NIBAN1: variants seen among roughly 807,000 people sequenced by gnomAD.
NIBAN1 encodes niban apoptosis regulator 1, also known as protein Niban 1.
Under a neutral mutation model 75.1 loss-of-function variants are expected in NIBAN1, and 81 were observed. The observed-to-expected ratio is 1.08, with a 90% confidence interval of 0.90 to 1.30. NIBAN1 has a LOEUF of 1.30. NIBAN1 is among the 50% of genes most tolerant of loss of function. The pLI is 0.00. For missense variants in NIBAN1, 1,133 were observed against 1,128.1 expected (o/e 1.00, Z -0.06); for synonymous variants, 436 against 424.8 (o/e 1.03, Z -0.32).
intron 1 of NIBAN1, among the ~76,000 whole-genome samples, chr1:184,937,040 G>A (rs115275040): frequency 5.3e-4 from 80 of 151,482 alleles, no homozygotes; most frequent in Admixed American, 9.9e-4. Flanking sequence ...TTATACGGGC[G>A]CATTTCTTTA....
At chr1:184,961,817 C>T (rs920733956) in intron 1 of NIBAN1, among the ~76,000 whole-genome samples, 1 of 152,230 alleles carries the variant, frequency 6.6e-6, no homozygotes, top group Admixed American at 6.5e-5. Context: ...CTTCTTTGCT[C>T]TTATAAGGAG....
Position 184,899,241 on chromosome 1 carries a change from T to C in NIBAN1, c.124A>G (p.Asn42Asp). ...YSRQYSVAFC[N>D]HVRTEVEQQR... is the part of the protein sequence containing the mutation. ...TGTTCTACTTCAGTGCGCACGTGAT[T>C]GCAGAAAGCCACAGAGTACTGACGA... The change falls in exon 2 of 14, where the codon AAT (asparagine) becomes GAT (aspartate). Residue 42 changes from asparagine to aspartate, a missense_variant. By Grantham distance (23) the Asn-to-Asp change is conservative. Coordinates refer to ENST00000367511, the MANE Select transcript of NIBAN1 (RefSeq NM_052966.4). 1 of 1,614,020 alleles carries C rather than the reference T, an allele frequency of 6.2e-7. No individual in the cohort carries two copies. The highest frequency in any genetic ancestry group is 8.5e-7 in the Non-Finnish European group (1 of 1,179,892).
At chr1:184,943,279 A>G (rs1241090032) in intron 1 of NIBAN1, among the ~76,000 whole-genome samples, 2 of 152,202 alleles carry the variant, frequency 1.3e-5, no homozygotes, top group African/African-American at 4.8e-5. Context: ...ACAAATGGAA[A>G]AACAAGGGGT....
intron 1 of NIBAN1, among the ~76,000 whole-genome samples, chr1:184,899,857 C>T (rs1656902406): frequency 1.4e-5 from 2 of 147,862 alleles, no homozygotes; most frequent in Admixed American, 1.4e-4. Context: ...CATCTTGCTG[C>T]CCAGGCTGGA....
chr1:184,914,826 G>T (rs1431386534), intron 1 of NIBAN1, among the ~76,000 whole-genome samples: 1 of 151,148 alleles, frequency 6.6e-6, no homozygotes, highest in Non-Finnish European at 1.5e-5. Context: ...GGGTTCAAAT[G>T]ATTCTCCTGC....
chr1:184,869,702 C>T (rs1485391010), intron 5 of NIBAN1, among the ~76,000 whole-genome samples: 3 of 151,942 alleles, frequency 2.0e-5, no homozygotes, highest in African/African-American at 4.8e-5. Context: ...CCACCATGCC[C>T]GGCTAATTTT....
chr1:184,862,394 A>T (rs1325376892), intron 5 of NIBAN1, among the ~76,000 whole-genome samples: 1 of 151,948 alleles, frequency 6.6e-6, no homozygotes, highest in African/African-American at 2.4e-5. Flanking sequence ...ATTGTGCAGT[A>T]CAGCCTTGAA....
intron 8 of NIBAN1, among the ~76,000 whole-genome samples, chr1:184,819,101 T>C (rs1654622078): frequency 6.6e-6 from 1 of 152,142 alleles, no homozygotes; most frequent in African/African-American, 2.4e-5. Flanking sequence ...CCTCTGAACA[T>C]GCAACTCTTC....
intron 4 of NIBAN1, among the ~76,000 whole-genome samples, chr1:184,887,156 T>C (rs1162492973): frequency 6.6e-6 from 1 of 152,080 alleles, no homozygotes; most frequent in Non-Finnish European, 1.5e-5. Context: ...CCGTATTGGT[T>C]TAAATAAAGA....
chr1:184,958,649 T>C (rs1244830009), intron 1 of NIBAN1, among the ~76,000 whole-genome samples: 1 of 152,224 alleles, frequency 6.6e-6, no homozygotes, highest in East Asian at 1.9e-4. Flanking sequence ...TAGTAGGCAC[T>C]CAATAAATGT....
intron 9 of NIBAN1, among the ~76,000 whole-genome samples, chr1:184,815,720 GT>G (rs2102210724): frequency 6.6e-6 from 1 of 152,328 alleles, no homozygotes; most frequent in Admixed American, 6.5e-5. Context: ...TGAAGGCCCA[GT>G]GTAGGTGAGA....
At chr1:184,909,282 G>A (rs137871625) in intron 1 of NIBAN1, among the ~76,000 whole-genome samples, 191 of 152,064 alleles carry the variant, frequency 1.3e-3, no homozygotes, top group African/African-American at 4.2e-3. Context: ...TCTCCTCTAG[G>A]TTTCTCTCTT....
chr1:184,965,298 CA>C (rs569915154), intron 1 of NIBAN1, among the ~76,000 whole-genome samples: 1,418 of 134,064 alleles, frequency 0.011, 15 homozygotes, highest in South Asian at 0.022. Flanking sequence ...GACTCCATCT[CA>C]AAAAAAAAAA....
At chr1:184,804,348 AAGTT>A (rs1461120870) in intron 11 of NIBAN1, among the ~76,000 whole-genome samples, 1 of 152,244 alleles carries the variant, frequency 6.6e-6, no homozygotes, top group African/African-American at 2.4e-5. Flanking sequence ...TGGAGATAAT[AAGTT>A]AGGGCAAGTT....
intron 1 of NIBAN1, among the ~76,000 whole-genome samples, chr1:184,940,144 G>A (rs1175802593): frequency 2.6e-5 from 4 of 152,150 alleles, no homozygotes; most frequent in African/African-American, 9.7e-5. Flanking sequence ...GCTAAGTGGG[G>A]ATTCTGGCCA....
chr1:184,841,567 C>G (rs1254949978), intron 5 of NIBAN1, among the ~76,000 whole-genome samples: 2 of 152,144 alleles, frequency 1.3e-5, no homozygotes, highest in Non-Finnish European at 2.9e-5. Flanking sequence ...AAGGAAAAAC[C>G]TAGAAGAAAG....
intron 8 of NIBAN1, among the ~76,000 whole-genome samples, chr1:184,821,685 A>G (rs1180050964): frequency 6.6e-6 from 1 of 152,212 alleles, no homozygotes; most frequent in African/African-American, 2.4e-5. Flanking sequence ...CAGATAGCAG[A>G]AATTTTGGCA....
At chr1:184,808,699 C>G (rs1387586409) in intron 9 of NIBAN1, among the ~76,000 whole-genome samples, 1 of 152,136 alleles carries the variant, frequency 6.6e-6, no homozygotes, top group African/African-American at 2.4e-5. Context: ...GCCAGAGTTC[C>G]TCACAATTCT....
At chr1:184,821,839 G>C (rs912226229) in intron 8 of NIBAN1, among the ~76,000 whole-genome samples, 5 of 152,156 alleles carry the variant, frequency 3.3e-5, no homozygotes, top group Non-Finnish European at 7.3e-5. Flanking sequence ...AGCTGGCTTT[G>C]GAAAGGATGG....
Sources: gnomAD v4.1 joint callset for allele counts (sites outside exome capture counted in the v4.1 genomes callset) on GRCh38, gnomAD v4.1.1 for gene constraint, MANE v1.5 for transcripts, NCBI Gene and HGNC (gene_info 2026-07-23, HGNC 2026-07-21) for gene names.